Variants in FREM1 observed in about 807,000 individuals in gnomAD.
FREM1 encodes FRAS1 related extracellular matrix 1, also known as FRAS1-related extracellular matrix protein 1.
In FREM1, 220 loss-of-function variants were observed where a neutral mutation model predicts 210.1. The ratio of observed to expected loss-of-function variants is 1.05; its 90% CI spans 0.94 to 1.17. The LOEUF (loss-of-function observed/expected upper bound fraction) is 1.17, where lower values mean the gene tolerates loss of function less well. Ranked by LOEUF, FREM1 falls within the 50% of genes most tolerant of loss-of-function variation. FREM1 has a pLI of 0.00. For synonymous variants in FREM1, 1,189 were observed against 980.2 expected, an observed-to-expected ratio of 1.21 and a Z score of -3.98; for missense variants, 3,454 against 2,675.5, an observed-to-expected ratio of 1.29 and a Z score of -6.42.
At chr9:14,741,031 A>C (rs2131884866) in intron 35 of FREM1, among the ~76,000 whole-genome samples, 1 of 152,296 alleles carries the variant, frequency 6.6e-6, no homozygotes, top group South Asian at 2.1e-4. Flanking sequence ...TATCATGTAT[A>C]CATGTATCAT....
rs1348075386 is a variant in FREM1, at chr9:14,847,400, A to AGAAGGAAGGAAGGAAG, written c.1261+1249_1261+1264dup. Among the ~76,000 whole-genome samples, 50 of 34,866 alleles carry AGAAGGAAGGAAGGAAG rather than the reference A, an allele frequency of 1.4e-3. 1 individual carries two copies. The highest frequency in any genetic ancestry group is 6.1e-3 in the South Asian group (3 of 492). The allele number at this position is 34,866 out of a possible 152,430, so 22.9% of individuals were successfully genotyped here. A position where few individuals can be genotyped will look rare whatever the true frequency, so the allele number is the denominator to read the frequency against. The stretch of plus-strand genomic sequence containing the variant: ...ATATAAAGGAGAGGGAGAGAGAAAA[A>AGAAGGAAGGAAGGAAG]GAAGGAAGGAAGGAAGGAAGGAAGG... On this transcript the variant is annotated intron_variant, in intron 7 of 36. Transcript: ENST00000380880.
rs1563900085 is a variant in FREM1 at position 14,776,177 on chromosome 9, G to GC, written c.4468_4469insG (p.Thr1490SerfsTer7). The GC allele has an allele frequency of 6.5e-7, 1 of 1,532,580 alleles. No homozygotes were observed. Among genetic ancestry groups the GC allele is most frequent in the South Asian group, 1.3e-5 (1 of 76,962 alleles). 94.9% of individuals were successfully genotyped at this position (1,532,580 alleles called of 1,614,324 possible). Reference sequence around the variant, plus strand: ...TGTGATCTCAAACACCCCGTGCTCGGTCCGCAGTCCATTGCTGATGATGAA... The same window carrying GC: ...TGTGATCTCAAACACCCCGTGCTCGGCTCCGCAGTCCATTGCTGATGATGAA... On this transcript the variant is annotated frameshift_variant, in exon 25 of 37. Transcript: ENST00000380880. LOFTEE classifies it high-confidence loss of function.
At chr9:14,860,704 T>TAC (rs879508025) in intron 3 of FREM1, among the ~76,000 whole-genome samples, 1 of 106,374 alleles carries the variant, frequency 9.4e-6, no homozygotes, top group African/African-American at 4.6e-5. Context: ...CACACATATA[T>TAC]ACACACATAT....
intron 15 of FREM1, among the ~76,000 whole-genome samples, chr9:14,815,346 C>T (rs1027253837): frequency 6.6e-6 from 1 of 152,178 alleles, no homozygotes; most frequent in Non-Finnish European, 1.5e-5. Context: ...AACTCCTTCA[C>T]TGCTTCTTAA....
chr9:14,878,663 G>C (rs917416362), intron 1 of FREM1, among the ~76,000 whole-genome samples: 21 of 152,206 alleles, frequency 1.4e-4, no homozygotes, highest in Middle Eastern at 6.8e-3. Context: ...CCTAATATTA[G>C]TCACTGCCAT....
Position 14,860,926 on chromosome 9 carries a change from TACACATATAC to T in FREM1, c.330-1452_330-1443del, listed in dbSNP as rs1381250564. On this transcript the variant is annotated intron_variant, in intron 3 of 36. Transcript: ENST00000380880. ...ACACATATACACATATACACATATA[TACACATATAC>T]ACACATATACACATATACACATATA... Among the ~76,000 whole-genome samples the T allele has an allele frequency of 5.6e-5, 7 of 124,494 alleles. 2 individuals are homozygous for T. The highest frequency in any genetic ancestry group is 9.5e-5 in the Non-Finnish European group (6 of 63,096). The allele number at this position is 124,494 out of a possible 152,430, so 81.7% of individuals were successfully genotyped here. A position where few individuals can be genotyped will look rare whatever the true frequency, so the allele number is the denominator to read the frequency against.
At chr9:14,774,435 G>C (rs1403450448) in intron 25 of FREM1, among the ~76,000 whole-genome samples, 3 of 151,770 alleles carry the variant, frequency 2.0e-5, no homozygotes, top group Non-Finnish European at 4.4e-5. Context: ...TTTGTAGCCT[G>C]CCAACGTGCC....
chr9:14,824,383 C>T (rs1165340076), intron 11 of FREM1, among the ~76,000 whole-genome samples: 1 of 152,156 alleles, frequency 6.6e-6, no homozygotes, highest in African/African-American at 2.4e-5. Context: ...TGGTTTCTTG[C>T]TCTCATGCAT....
At chr9:14,854,773 C>T (rs184125108) in intron 5 of FREM1, among the ~76,000 whole-genome samples, 1 of 151,946 alleles carries the variant, frequency 6.6e-6, no homozygotes, top group Admixed American at 6.6e-5. Flanking sequence ...TCATCAATAA[C>T]CATTGAGAAG....
chr9:14,840,459 A>G (rs1300211782), intron 10 of FREM1, among the ~76,000 whole-genome samples: 2 of 152,200 alleles, frequency 1.3e-5, no homozygotes, highest in Admixed American at 1.3e-4. Flanking sequence ...AAAAAGGATC[A>G]AGTCTCGTCT....
chr9:14,780,571 T>C lies in FREM1; in HGVS notation c.4442+3799A>G, dbSNP rs142154283. 7.0e-3 allele frequency among the ~76,000 whole-genome samples: 1,063 copies of C among 152,190 alleles called. 5 individuals carry two copies. The highest frequency in any genetic ancestry group is 0.011 in the Non-Finnish European group (755 of 68,004). Reference sequence around the variant, plus strand: ...CTGTCCTAGAACATGCTGCCAAATCTTTCTTCCAGGCCAGCAGCACCAAAC... The same window carrying C: ...CTGTCCTAGAACATGCTGCCAAATCCTTCTTCCAGGCCAGCAGCACCAAAC... On this transcript the variant is annotated intron_variant, in intron 24 of 36. Coordinates refer to ENST00000380880, the MANE Select transcript of FREM1 (RefSeq NM_001379081.2).
At chr9:14,738,839 G>A (rs898073823) in intron 36 of FREM1, among the ~76,000 whole-genome samples, 14 of 151,552 alleles carry the variant, frequency 9.2e-5, no homozygotes, top group South Asian at 2.1e-4. Flanking sequence ...GTGAAACCCC[G>A]TCTCTACTAA....
chr9:14,907,382 C>T (rs180976853), intron 1 of FREM1, among the ~76,000 whole-genome samples: 4 of 152,182 alleles, frequency 2.6e-5, no homozygotes, highest in Admixed American at 2.0e-4. Context: ...TTGTTTCGCT[C>T]GGCCCCTCAA....
intron 13 of FREM1, among the ~76,000 whole-genome samples, chr9:14,820,794 G>C (rs1319712201): frequency 1.3e-5 from 2 of 152,152 alleles, no homozygotes; most frequent in Non-Finnish European, 2.9e-5. Flanking sequence ...CTTTCACTTT[G>C]CTAAACCTAT....
chr9:14,823,187 G>A lies in FREM1; in HGVS notation c.2310C>T (p.Ile770=), dbSNP rs1323546250. ...TLHGICFNIT[I]LPVDNQVPEA... ...CAGGAACTTGATTGTCCACTGGGAG[G>A]ATTGTAATGTTAAAGCAGATCCCAT... Residue 770 remains isoleucine (I), a synonymous_variant, in exon 13 of 37, where the codon ATC becomes ATT. Coordinates refer to ENST00000380880, the MANE Select transcript of FREM1 (RefSeq NM_001379081.2). The A allele has an allele frequency of 3.1e-6, 5 of 1,613,698 alleles. No individual in the cohort carries two copies. Among genetic ancestry groups the A allele is most frequent in the Non-Finnish European group, 4.2e-6 (5 of 1,179,772 alleles).
chr9:14,834,986 T>A (rs1250472374), intron 10 of FREM1, among the ~76,000 whole-genome samples: 1 of 152,210 alleles, frequency 6.6e-6, no homozygotes, highest in Non-Finnish European at 1.5e-5. Flanking sequence ...ATAATCAAGC[T>A]ATATTAAGGA....
chr9:14,798,800 A>T (rs147853034), intron 20 of FREM1, among the ~76,000 whole-genome samples: 1,899 of 152,044 alleles, frequency 0.012, 25 homozygotes, highest in African/African-American at 0.043. Flanking sequence ...CAGCCTCCCA[A>T]GTAGCTGGGG....
chr9:14,827,183 C>G (rs1320663939), intron 10 of FREM1, among the ~76,000 whole-genome samples: 1 of 151,876 alleles, frequency 6.6e-6, no homozygotes, highest in Non-Finnish European at 1.5e-5. Flanking sequence ...GACAGAAGAA[C>G]CTCAATCTTC....
At chr9:14,908,760 C>G (rs1024975070) in intron 1 of FREM1, among the ~76,000 whole-genome samples, 2 of 152,114 alleles carry the variant, frequency 1.3e-5, no homozygotes, top group African/African-American at 4.8e-5. Flanking sequence ...CAAGTGTGAC[C>G]CACCTGCTTC....
Sources: gnomAD v4.1 joint callset for allele counts (sites outside exome capture counted in the v4.1 genomes callset) on GRCh38, gnomAD v4.1.1 for gene constraint, MANE v1.5 for transcripts, NCBI Gene and HGNC (gene_info 2026-07-23, HGNC 2026-07-21) for gene names.